The following LRBA variants were observed in gnomAD, a reference collection of about 807,000 sequenced individuals.
LRBA encodes lipopolysaccharide-responsive and beige-like anchor protein.
Under a neutral mutation model 330.0 loss-of-function variants are expected in LRBA, and 176 were observed. That is an observed-to-expected ratio of 0.53 (90% CI 0.47 to 0.60). The LOEUF is 0.60. Ranked by LOEUF, LRBA falls within the 20% of genes least tolerant of loss-of-function variation. The pLI is 0.00. For missense variants in LRBA, 3,259 were observed against 3,444.8 expected, an observed-to-expected ratio of 0.95 and a Z score of 1.35; for synonymous variants, 1,230 against 1,193.0, an observed-to-expected ratio of 1.03 and a Z score of -0.64.
At chr4:150,413,357 T>G (rs1747284104) in intron 47 of LRBA, among the ~76,000 whole-genome samples, 1 of 151,848 alleles carries the variant, frequency 6.6e-6, no homozygotes, top group African/African-American at 2.4e-5. Context: ...TACGCAAATA[T>G]TTATAATAGC....
intron 50 of LRBA, among the ~76,000 whole-genome samples, chr4:150,317,648 A>G (rs1731892903): frequency 1.3e-5 from 2 of 152,160 alleles, no homozygotes; most frequent in South Asian, 2.1e-4. Context: ...ACCAGTGTCA[A>G]TCAACATTAA....
chr4:150,808,282 G>C (rs778696182), intron 32 of LRBA, 38 bp downstream of exon 32: 3 of 1,310,252 alleles, frequency 2.3e-6, no homozygotes, highest in Non-Finnish European at 3.3e-6. Context: ...GTCATCAAAA[G>C]GTATAAATCA....
intron 29 of LRBA, among the ~76,000 whole-genome samples, chr4:150,830,105 T>C (rs1746942601): frequency 6.6e-6 from 1 of 152,204 alleles, no homozygotes; most frequent in South Asian, 2.1e-4. Flanking sequence ...AATATCCTCC[T>C]TCCTAACTGT....
intron 54 of LRBA, among the ~76,000 whole-genome samples, chr4:150,284,401 A>G (rs142252982): frequency 6.6e-6 from 1 of 152,236 alleles, no homozygotes; most frequent in East Asian, 1.9e-4. Flanking sequence ...TGTTCAAACT[A>G]CTCTTGATAT....
At chr4:150,775,780 A>G (rs1474431836) in intron 34 of LRBA, among the ~76,000 whole-genome samples, 2 of 150,104 alleles carry the variant, frequency 1.3e-5, no homozygotes, top group African/African-American at 4.9e-5. Flanking sequence ...AAAAGGACAA[A>G]ATCATTAGTT....
At chr4:150,410,671 G>A (rs1348955566) in intron 47 of LRBA, among the ~76,000 whole-genome samples, 2 of 151,976 alleles carry the variant, frequency 1.3e-5, no homozygotes, top group Admixed American at 6.6e-5. Context: ...CTCCAAATAG[G>A]GATATTGTCT....
chr4:150,423,598 A>T, intron 46 of LRBA: 1 of 334,710 alleles, frequency 3.0e-6, no homozygotes, highest in East Asian at 7.9e-5. Flanking sequence ...CCACAAAAGG[A>T]GAGACCGAAT....
At position 150,381,029 on chromosome 4, in the gene LRBA, AG is replaced by A. The variant is rs1360279879; in HGVS notation, c.7195-30871del. On this transcript the variant is annotated intron_variant, in intron 47 of 56. Coordinates refer to ENST00000651943, the MANE Select transcript of LRBA (RefSeq NM_001364905.1). The stretch of plus-strand genomic sequence containing the variant: ...AAAAAGTATATTTTGTTTTTAACTT[AG>A]AACTATTTAATATTCCTTAGGAAAT... Among the ~76,000 whole-genome samples, 6 of 151,746 alleles carry A rather than the reference AG, an allele frequency of 4.0e-5. 1 individual carries two copies. In the South Asian group the frequency reaches 1.0e-3, roughly 26 times the overall value.
Position 150,524,013 on chromosome 4 carries a change from T to C in LRBA, c.6331-32978A>G, listed in dbSNP as rs142938181. On this transcript the variant is annotated intron_variant, in intron 40 of 56. Transcript: ENST00000651943. ...TTATTTTATCTACATGTTGTTGTCT[T>C]ACTTTAGAGAATAATGAAGTTTTGC... 2.2e-3 allele frequency among the ~76,000 whole-genome samples: 335 copies of C among 152,324 alleles called. 1 individual carries two copies. The highest frequency in any genetic ancestry group is 4.0e-3 in the Non-Finnish European group (272 of 68,024).
chr4:150,473,933 C>T (rs1045773311), intron 42 of LRBA, among the ~76,000 whole-genome samples: 4 of 152,114 alleles, frequency 2.6e-5, no homozygotes, highest in Non-Finnish European at 4.4e-5. Context: ...CTTATTTCTT[C>T]ATTTACTTAG....
At chr4:150,325,109 GTC>G (rs1449565229) in intron 49 of LRBA, among the ~76,000 whole-genome samples, 3 of 152,110 alleles carry the variant, frequency 2.0e-5, no homozygotes, top group African/African-American at 7.2e-5. Flanking sequence ...GCTTCTGTCT[GTC>G]TTCATTCTCA....
At position 150,868,322 on chromosome 4, in the gene LRBA, A is replaced by T. The variant is rs757130857; in HGVS notation, c.2450-17T>A. The T allele has an allele frequency of 6.4e-7, 1 of 1,555,786 alleles. No individual in the cohort carries two copies. Among genetic ancestry groups the T allele is most frequent in the South Asian group, 1.3e-5 (1 of 79,474 alleles). ...TTAGTATCTCTGTAAGACAGTTTAT[A>T]AATAAGTAAAAACCAAACTCAACAA... On this transcript the variant is annotated splice_polypyrimidine_tract_variant and intron_variant, in intron 20 of 56. Coordinates refer to ENST00000651943, the MANE Select transcript of LRBA (RefSeq NM_001364905.1).
At chr4:150,534,092 A>T (rs1162510190) in intron 40 of LRBA, among the ~76,000 whole-genome samples, 2 of 152,082 alleles carry the variant, frequency 1.3e-5, no homozygotes, top group East Asian at 3.8e-4. Flanking sequence ...AATGATTAAA[A>T]TGCTGCTTTT....
intron 55 of LRBA, among the ~76,000 whole-genome samples, chr4:150,280,272 C>G (rs569600890): frequency 6.6e-6 from 1 of 152,264 alleles, no homozygotes; most frequent in East Asian, 1.9e-4. Flanking sequence ...TTTCAGAGGG[C>G]CCCAGACACA....
chr4:150,909,012 T>TA (rs1731658951), intron 9 of LRBA, among the ~76,000 whole-genome samples, 155 bp from the exon 10 acceptor site: 2 of 152,206 alleles, frequency 1.3e-5, no homozygotes, highest in Admixed American at 1.3e-4. Flanking sequence ...ATTGGCTGAA[T>TA]TTAAAGATAT....
intron 26 of LRBA, among the ~76,000 whole-genome samples, chr4:150,848,021 CTTTT>C (rs532463538): frequency 1.4e-4 from 21 of 146,074 alleles, no homozygotes; most frequent in African/African-American, 5.0e-4. Flanking sequence ...CTCTATAACC[CTTTT>C]TTTTTTTGAG....
At chr4:150,927,067 C>G (rs1338181212) in intron 4 of LRBA, among the ~76,000 whole-genome samples, 1 of 141,496 alleles carries the variant, frequency 7.1e-6, no homozygotes, top group Non-Finnish European at 1.5e-5. Context: ...AAGACTCCGT[C>G]TCAAAAGAAA....
intron 24 of LRBA, 79 bp from the exon 25 acceptor site, chr4:150,849,654 T>C: frequency 8.7e-7 from 1 of 1,144,586 alleles, no homozygotes; most frequent in Non-Finnish European, 1.3e-6. Context: ...GGAGGAAAGA[T>C]AAGAAGGTGC....
intron 40 of LRBA, among the ~76,000 whole-genome samples, chr4:150,529,840 G>C (rs1763875711): frequency 6.6e-6 from 1 of 152,038 alleles, no homozygotes; most frequent in African/African-American, 2.4e-5. Flanking sequence ...ATAAAGTAGA[G>C]AGAATATAAT....
Sources: gnomAD v4.1 joint callset for allele counts (sites outside exome capture counted in the v4.1 genomes callset) on GRCh38, gnomAD v4.1.1 for gene constraint, MANE v1.5 for transcripts, NCBI Gene and HGNC (gene_info 2026-07-23, HGNC 2026-07-21) for gene names.